AKAP6: variants seen among roughly 807,000 people sequenced by gnomAD.
AKAP6 encodes the protein A-kinase anchoring protein 6.
In AKAP6, 58 loss-of-function variants were observed where a neutral mutation model predicts 188.5. The observed-to-expected ratio is 0.31, with a 90% CI of 0.25 to 0.38. The LOEUF (loss-of-function observed/expected upper bound fraction) is 0.38. AKAP6 is among the 10% of genes least tolerant of loss of function. The probability of loss-of-function intolerance (pLI) is 1.00; values close to 1 mark genes in which losing one functional copy is unlikely to be tolerated. For missense variants in AKAP6, 2,710 were observed against 2,740.0 expected, an observed-to-expected ratio of 0.99 and a Z score of 0.24; for synonymous variants, 989 against 998.6, an observed-to-expected ratio of 0.99 and a Z score of 0.18.
chr14:32,386,689 G>A (rs1194945769), intron 1 of AKAP6, among the ~76,000 whole-genome samples: 2 of 152,160 alleles, frequency 1.3e-5, no homozygotes, highest in African/African-American at 2.4e-5. Context: ...CTAAGCCAAT[G>A]TCTAGAAGGG....
intron 1 of AKAP6, among the ~76,000 whole-genome samples, chr14:32,392,704 T>C (rs1047103776): frequency 5.9e-5 from 9 of 152,248 alleles, no homozygotes; most frequent in Admixed American, 5.9e-4. Flanking sequence ...CAAGAAATGT[T>C]TGGGATGTGT....
chr14:32,786,315 T>TTTTTTTG (rs2033414733), intron 12 of AKAP6, among the ~76,000 whole-genome samples: 1 of 106,826 alleles, frequency 9.4e-6, no homozygotes, highest in Admixed American at 9.6e-5. Context: ...TTTTTTTTTT[T>TTTTTTTG]TTTTTTTTTT....
At chr14:32,717,548 A>T (rs1016318795) in intron 9 of AKAP6, among the ~76,000 whole-genome samples, 1 of 151,192 alleles carries the variant, frequency 6.6e-6, no homozygotes, top group African/African-American at 2.4e-5. Flanking sequence ...CATCTCCATC[A>T]TTACATTCTC....
At chr14:32,497,174 G>A (rs955227148) in intron 2 of AKAP6, among the ~76,000 whole-genome samples, 3 of 152,084 alleles carry the variant, frequency 2.0e-5, no homozygotes, top group African/African-American at 7.2e-5. Context: ...GTCTCTCTAT[G>A]CATAGTATCT....
chr14:32,660,646 A>C (rs893370840), intron 7 of AKAP6, among the ~76,000 whole-genome samples: 2 of 152,072 alleles, frequency 1.3e-5, no homozygotes, highest in African/African-American at 4.8e-5. Flanking sequence ...TTTTTAAAGG[A>C]GTTTGTGAGG....
intron 3 of AKAP6, among the ~76,000 whole-genome samples, chr14:32,538,630 A>C (rs1882789305): frequency 6.6e-6 from 1 of 152,212 alleles, no homozygotes; most frequent in Non-Finnish European, 1.5e-5. Context: ...GAACACTTGA[A>C]GGCAAAGCTC....
chr14:32,429,182 A>G (rs1890135995), intron 1 of AKAP6, among the ~76,000 whole-genome samples: 1 of 152,202 alleles, frequency 6.6e-6, no homozygotes, highest in Admixed American at 6.5e-5. Context: ...TATTTTCACC[A>G]TCAGAACTTG....
chr14:32,453,616 A>G (rs1891015531), intron 2 of AKAP6, among the ~76,000 whole-genome samples: 1 of 37,548 alleles, frequency 2.7e-5, no homozygotes, highest in Admixed American at 5.3e-4. Flanking sequence ...TTTTTTTTTG[A>G]GACGGAGTCT....
chr14:32,618,205 T>G (rs1021939763), intron 7 of AKAP6, among the ~76,000 whole-genome samples: 2 of 152,212 alleles, frequency 1.3e-5, no homozygotes, highest in African/African-American at 4.8e-5. Flanking sequence ...TAAAAAAATT[T>G]TTCAGTAGCT....
chr14:32,554,833 A>G (rs1429558432), intron 4 of AKAP6, among the ~76,000 whole-genome samples: 1 of 152,186 alleles, frequency 6.6e-6, no homozygotes, highest in Non-Finnish European at 1.5e-5. Flanking sequence ...CCTTTGGGAT[A>G]TAGCGCATGG....
At chr14:32,615,423 T>TA (rs1555344875) in intron 7 of AKAP6, among the ~76,000 whole-genome samples, 3 of 150,706 alleles carry the variant, frequency 2.0e-5, no homozygotes, top group Non-Finnish European at 4.4e-5. Context: ...TTTTTTTTTT[T>TA]AACCTTCCTC....
chr14:32,354,383 T>C (rs1887408226), intron 1 of AKAP6, among the ~76,000 whole-genome samples: 1 of 152,080 alleles, frequency 6.6e-6, no homozygotes, highest in African/African-American at 2.4e-5. Flanking sequence ...GACAATTTAC[T>C]TAAATCTTGC....
At chr14:32,734,477 A>G (rs1490822032) in intron 10 of AKAP6, 1 of 152,156 alleles carries the variant, frequency 6.6e-6, no homozygotes, top group African/African-American at 2.4e-5. Context: ...CAAATTGTGA[A>G]TTAAATGAAA....
intron 2 of AKAP6, among the ~76,000 whole-genome samples, chr14:32,440,246 A>G (rs763736874): frequency 1.3e-4 from 20 of 149,282 alleles, no homozygotes; most frequent in Non-Finnish European, 1.5e-4. Flanking sequence ...AATCCAGTCT[A>G]TTATTGATGG....
At chr14:32,363,007 C>CA (rs1887714035) in intron 1 of AKAP6, among the ~76,000 whole-genome samples, 1 of 152,082 alleles carries the variant, frequency 6.6e-6, no homozygotes, top group South Asian at 2.1e-4. Context: ...AAGCATAAGC[C>CA]AAAGATGACT....
intron 12 of AKAP6, among the ~76,000 whole-genome samples, chr14:32,808,087 T>C (rs543222122): frequency 1.3e-5 from 2 of 152,364 alleles, no homozygotes; most frequent in South Asian, 4.1e-4. Flanking sequence ...TTCTCTTTAT[T>C]CCTCACCCTA....
chr14:32,595,261 A>C (rs1005424020), intron 5 of AKAP6, among the ~76,000 whole-genome samples: 4 of 151,870 alleles, frequency 2.6e-5, no homozygotes, highest in African/African-American at 9.7e-5. Context: ...TGACTCTTTC[A>C]TGGTTCTTGG....
intron 1 of AKAP6, among the ~76,000 whole-genome samples, chr14:32,379,537 T>C (rs1001672761): frequency 1.2e-4 from 18 of 152,266 alleles, no homozygotes; most frequent in African/African-American, 3.8e-4. Flanking sequence ...CCTCACTTCC[T>C]GTCCCTCCTC....
chr14:32,371,848 T>G (rs1888016640), intron 1 of AKAP6, among the ~76,000 whole-genome samples: 1 of 152,126 alleles, frequency 6.6e-6, no homozygotes, highest in Non-Finnish European at 1.5e-5. Context: ...GGAAGCTCCT[T>G]AGGGAAGCCA....
Sources: gnomAD v4.1 joint callset for allele counts (sites outside exome capture counted in the v4.1 genomes callset) on GRCh38, gnomAD v4.1.1 for gene constraint, MANE v1.5 for transcripts, NCBI Gene and HGNC (gene_info 2026-07-23, HGNC 2026-07-21) for gene names.